Variants in NAALADL2 observed in about 807,000 individuals in gnomAD.
NAALADL2 encodes N-acetylated alpha-linked acidic dipeptidase like 2.
A neutral mutation model predicts 87.2 loss-of-function variants in NAALADL2; 76 were observed. The observed-to-expected ratio is 0.87, with a 90% CI of 0.72 to 1.05. The LOEUF (loss-of-function observed/expected upper bound fraction) is 1.05, where lower values mean the gene tolerates loss of function less well. Among genes scored for constraint, NAALADL2 ranks in the 50% least tolerant of loss-of-function variants. The pLI, the probability that NAALADL2 is intolerant of heterozygous loss-of-function variation, is 0.00. For missense variants in NAALADL2, 1,089 were observed against 945.8 expected (o/e 1.15, Z -1.99); for synonymous variants, 354 against 331.0 (o/e 1.07, Z -0.75).
At chr3:174,951,473 G>T (rs906104633) in intron 1 of NAALADL2, among the ~76,000 whole-genome samples, 1 of 152,032 alleles carries the variant, frequency 6.6e-6, no homozygotes, top group South Asian at 2.1e-4. Flanking sequence ...GTATAGAGAG[G>T]TTATGCTTGA....
chr3:175,085,293 A>C (rs1261070867), intron 1 of NAALADL2, among the ~76,000 whole-genome samples: 1 of 152,170 alleles, frequency 6.6e-6, no homozygotes, highest in South Asian at 2.1e-4. Flanking sequence ...GAGGGCATAG[A>C]GTGCTAAATA....
At chr3:174,564,388 G>A (rs1713988674) in intron 2 of NAALADL2, among the ~76,000 whole-genome samples, 1 of 152,104 alleles carries the variant, frequency 6.6e-6, no homozygotes, top group South Asian at 2.1e-4. Context: ...ATGTCAGTGA[G>A]GGTAACAAGG....
chr3:174,832,989 C>G (rs956153233), intron 3 of NAALADL2, among the ~76,000 whole-genome samples: 3 of 152,170 alleles, frequency 2.0e-5, no homozygotes, highest in South Asian at 2.1e-4. Flanking sequence ...GTTTCTACAT[C>G]TACATCTCTC....
At chr3:175,560,351 C>T (rs909077832) in intron 9 of NAALADL2, among the ~76,000 whole-genome samples, 47 of 151,752 alleles carry the variant, frequency 3.1e-4, no homozygotes, top group African/African-American at 2.2e-4. Context: ...GCTAAAGGTT[C>T]GACAATTTTT....
At chr3:175,573,951 G>A (rs1184348762) in intron 9 of NAALADL2, among the ~76,000 whole-genome samples, 5 of 152,156 alleles carry the variant, frequency 3.3e-5, no homozygotes, top group Non-Finnish European at 7.4e-5. Context: ...CAGAAACACT[G>A]CCTTGTCTGT....
chr3:175,755,979 CAG>C, intron 13 of NAALADL2, among the ~76,000 whole-genome samples: 4 of 152,198 alleles, frequency 2.6e-5, no homozygotes, highest in Admixed American at 2.6e-4. Context: ...GATACAGACT[CAG>C]AGGATACTAT....
chr3:175,009,163 TA>T (rs756812044), intron 1 of NAALADL2, among the ~76,000 whole-genome samples: 2 of 152,114 alleles, frequency 1.3e-5, no homozygotes, highest in African/African-American at 2.4e-5. Context: ...CAGATTGGGA[TA>T]GGGGATAAGA....
At chr3:175,751,706 G>T (rs969555808) in intron 12 of NAALADL2, among the ~76,000 whole-genome samples, 1 of 151,912 alleles carries the variant, frequency 6.6e-6, no homozygotes, top group African/African-American at 2.4e-5. Context: ...GTATTAACTC[G>T]CTCTGAGAGA....
intron 1 of NAALADL2, among the ~76,000 whole-genome samples, chr3:175,062,185 AAT>A (rs1455115224): frequency 6.6e-6 from 1 of 152,150 alleles, no homozygotes; most frequent in African/African-American, 2.4e-5. Flanking sequence ...TGGGTGAGGT[AAT>A]AGAGACAGCA....
chr3:174,893,321 C>CAA (rs1560332948), intron 1 of NAALADL2, among the ~76,000 whole-genome samples: 174 of 147,250 alleles, frequency 1.2e-3, no homozygotes, highest in African/African-American at 3.6e-3. Context: ...CCCCCCCCCG[C>CAA]AAAAAGTTAT....
chr3:175,502,418 A>G (rs572757151), intron 9 of NAALADL2, among the ~76,000 whole-genome samples: 8 of 152,296 alleles, frequency 5.3e-5, no homozygotes, highest in Admixed American at 5.2e-4. Flanking sequence ...TGCGACAAGT[A>G]AGAGTCAGGT....
chr3:175,354,913 CAT>C (rs1378735508), intron 5 of NAALADL2, among the ~76,000 whole-genome samples: 10 of 149,508 alleles, frequency 6.7e-5, no homozygotes, highest in East Asian at 3.9e-4. Context: ...CATATACACA[CAT>C]ATATATGTGT....
At chr3:174,944,059 G>A (rs180819383) in intron 1 of NAALADL2, among the ~76,000 whole-genome samples, 6 of 152,156 alleles carry the variant, frequency 3.9e-5, no homozygotes, top group Non-Finnish European at 5.9e-5. Context: ...GGGCTGCTGC[G>A]GTATGCTAGG....
At chr3:175,395,655 C>T (rs1200776417) in intron 5 of NAALADL2, among the ~76,000 whole-genome samples, 1 of 152,094 alleles carries the variant, frequency 6.6e-6, no homozygotes, top group African/African-American at 2.4e-5. Context: ...AAGATCAAGG[C>T]GGAACTTCAT....
intron 1 of NAALADL2, among the ~76,000 whole-genome samples, chr3:175,029,958 A>G (rs761467588): frequency 2.0e-5 from 3 of 152,116 alleles, no homozygotes; most frequent in Non-Finnish European, 4.4e-5. Context: ...CAGGTCCTCC[A>G]GTTGTAAAAC....
At chr3:174,700,980 T>G (rs1012712298) in intron 2 of NAALADL2, among the ~76,000 whole-genome samples, 1 of 152,104 alleles carries the variant, frequency 6.6e-6, no homozygotes, top group Non-Finnish European at 1.5e-5. Flanking sequence ...GACTGCAGCA[T>G]TGTGATCCAC....
At chr3:175,752,551 A>C (rs1412280274) in intron 12 of NAALADL2, among the ~76,000 whole-genome samples, 1 of 152,144 alleles carries the variant, frequency 6.6e-6, no homozygotes, top group Non-Finnish European at 1.5e-5. Flanking sequence ...ATATATCAAA[A>C]TGATTGAGTA....
chr3:175,703,934 C>T (rs1231236991), intron 11 of NAALADL2, among the ~76,000 whole-genome samples: 1 of 152,010 alleles, frequency 6.6e-6, no homozygotes, highest in Admixed American at 6.6e-5. Context: ...TAATTGACTC[C>T]TGAGTTTCCT....
intron 2 of NAALADL2, among the ~76,000 whole-genome samples, chr3:175,113,194 C>G (rs1231166303): frequency 1.3e-5 from 2 of 151,544 alleles, no homozygotes; most frequent in African/African-American, 4.8e-5. Context: ...GGGTAACTCT[C>G]TAAATGATAG....
Sources: allele counts gnomAD v4.1 joint callset (sites outside exome capture counted in the v4.1 genomes callset), GRCh38; gene constraint gnomAD v4.1.1; transcripts MANE v1.5; gene names NCBI Gene and HGNC (gene_info 2026-07-23, HGNC 2026-07-21).